ENTREP2: variants seen among roughly 807,000 people sequenced by gnomAD.
ENTREP2 encodes the protein protein ENTREP2.
the ENTREP2 span, among the ~76,000 whole-genome samples, chr15:29,534,562 T>G: frequency 2.6e-5 from 4 of 152,266 alleles, no homozygotes; most frequent in African/African-American, 9.6e-5. Context: ...ACTTAATCTC[T>G]TTCAGCAATG....
the ENTREP2 span, among the ~76,000 whole-genome samples, chr15:29,558,929 A>T: frequency 1.3e-5 from 2 of 151,974 alleles, no homozygotes; most frequent in Non-Finnish European, 1.5e-5. Flanking sequence ...ACGCATATAC[A>T]AAAGATGTAT....
chr15:29,571,044 A>C, the ENTREP2 span, among the ~76,000 whole-genome samples: 1 of 146,146 alleles, frequency 6.8e-6, no homozygotes, highest in African/African-American at 2.5e-5. Flanking sequence ...CTGCTGCCGT[A>C]CCGGGCGCGA....
chr15:29,614,091 T>C, the ENTREP2 span: 1 of 153,010 alleles, frequency 6.5e-6, no homozygotes, highest in Non-Finnish European at 1.5e-5. Context: ...GGCCACAAGA[T>C]GGCGGTCACG....
At chr15:29,509,987 T>G in the ENTREP2 span, among the ~76,000 whole-genome samples, 1 of 151,976 alleles carries the variant, frequency 6.6e-6, no homozygotes, top group Non-Finnish European at 1.5e-5. Flanking sequence ...TGGAGGAAAA[T>G]TTTTGCAATC....
the ENTREP2 span, among the ~76,000 whole-genome samples, chr15:29,362,714 G>A: frequency 9.9e-5 from 15 of 152,042 alleles, no homozygotes; most frequent in East Asian, 5.8e-4. Flanking sequence ...GCTGTCACTT[G>A]CAAAAAGTTA....
At chr15:29,624,483 GT>G in the ENTREP2 span, among the ~76,000 whole-genome samples, 1 of 152,074 alleles carries the variant, frequency 6.6e-6, no homozygotes, top group Admixed American at 6.6e-5. Flanking sequence ...TCTGATCAGG[GT>G]TATGTCTCTC....
chr15:29,325,870 T>C, the ENTREP2 span, among the ~76,000 whole-genome samples: 1 of 152,122 alleles, frequency 6.6e-6, no homozygotes, highest in Non-Finnish European at 1.5e-5. Context: ...ACTAAAAATG[T>C]ATGAAAAGAA....
chr15:29,463,259 C>T, the ENTREP2 span, among the ~76,000 whole-genome samples: 2 of 152,118 alleles, frequency 1.3e-5, no homozygotes, highest in African/African-American at 2.4e-5. Flanking sequence ...CAGGCACTTC[C>T]ACCTGTCTCA....
the ENTREP2 span, among the ~76,000 whole-genome samples, chr15:29,310,844 G>T: frequency 6.6e-6 from 1 of 152,186 alleles, no homozygotes; most frequent in Admixed American, 6.5e-5. Flanking sequence ...AGAAAAACAA[G>T]ACTATGATGA....
At chr15:29,304,873 C>A in the ENTREP2 span, among the ~76,000 whole-genome samples, 1 of 152,180 alleles carries the variant, frequency 6.6e-6, no homozygotes, top group Admixed American at 6.5e-5. Flanking sequence ...CATTGCAAGG[C>A]AAACTCCTTC....
the ENTREP2 span, among the ~76,000 whole-genome samples, chr15:29,426,648 G>A: frequency 6.6e-6 from 1 of 151,940 alleles, no homozygotes; most frequent in Non-Finnish European, 1.5e-5. Context: ...TAACATTTTC[G>A]TGTCCTCCGT....
chr15:29,306,664 ATTT>A, the ENTREP2 span, among the ~76,000 whole-genome samples: 167 of 77,148 alleles, frequency 2.2e-3, no homozygotes, highest in Non-Finnish European at 3.6e-3. Flanking sequence ...ATAATTGGTA[ATTT>A]TTTTTTTTTT....
the ENTREP2 span, chr15:29,452,447 C>T: frequency 6.6e-6 from 1 of 152,226 alleles, no homozygotes; most frequent in Non-Finnish European, 1.5e-5. Context: ...GAATGGGGCT[C>T]AACTAATGTG....
chr15:29,180,883 T>C, the ENTREP2 span, among the ~76,000 whole-genome samples: 1 of 151,252 alleles, frequency 6.6e-6, no homozygotes, highest in Non-Finnish European at 1.5e-5. Context: ...GAAGAAAGAC[T>C]GAATTTAGTA....
the ENTREP2 span, chr15:29,381,891 A>G: frequency 2.0e-6 from 3 of 1,464,702 alleles, no homozygotes; most frequent in Admixed American, 3.9e-5. Flanking sequence ...TGGGCAATCA[A>G]AACACTGTGA....
chr15:29,283,412 G>C, the ENTREP2 span, among the ~76,000 whole-genome samples: 1 of 152,080 alleles, frequency 6.6e-6, no homozygotes, highest in Admixed American at 6.5e-5. Flanking sequence ...GCAATGGTGT[G>C]AGCATAGCTC....
At chr15:29,294,733 T>C in the ENTREP2 span, among the ~76,000 whole-genome samples, 1 of 152,210 alleles carries the variant, frequency 6.6e-6, no homozygotes, top group African/African-American at 2.4e-5. Flanking sequence ...AGCAACGTGG[T>C]TGACAGAAAA....
chr15:29,230,646 G>A, the ENTREP2 span, among the ~76,000 whole-genome samples: 1 of 152,008 alleles, frequency 6.6e-6, no homozygotes, highest in African/African-American at 2.4e-5. Flanking sequence ...AGTAGAAGTC[G>A]CTCAACAAAG....
At chr15:29,582,353 A>G in the ENTREP2 span, among the ~76,000 whole-genome samples, 2 of 152,238 alleles carry the variant, frequency 1.3e-5, no homozygotes, top group Non-Finnish European at 2.9e-5. Flanking sequence ...AACAGAAATG[A>G]AAGGAAAAAA....
Sources: gnomAD v4.1 joint callset for allele counts (sites outside exome capture counted in the v4.1 genomes callset) on GRCh38, gnomAD v4.1.1 for gene constraint, MANE v1.5 for transcripts, NCBI Gene and HGNC (gene_info 2026-07-23, HGNC 2026-07-21) for gene names.